PLPPR1: variants seen among roughly 807,000 people sequenced by gnomAD.
The protein encoded by PLPPR1 is phospholipid phosphatase related 1, also known as phospholipid phosphatase-related protein type 1.
In PLPPR1, 10 loss-of-function variants were observed where a neutral mutation model predicts 33.1. The observed-to-expected ratio is 0.30, with a 90% CI of 0.19 to 0.51. PLPPR1 has a LOEUF of 0.51. PLPPR1 is among the 20% of genes least tolerant of loss of function. The probability of loss-of-function intolerance (pLI) is 0.97; values close to 1 mark genes in which losing one functional copy is unlikely to be tolerated. For missense variants in PLPPR1, 304 were observed against 408.1 expected, an observed-to-expected ratio of 0.74 and a Z score of 2.20; for synonymous variants, 151 against 151.0, an observed-to-expected ratio of 1.00 and a Z score of 0.00.
intron 1 of PLPPR1, among the ~76,000 whole-genome samples, chr9:101,088,069 T>G (rs1830700005): frequency 6.6e-6 from 1 of 152,166 alleles, no homozygotes; most frequent in Non-Finnish European, 1.5e-5. Context: ...CCCTTACTGA[T>G]AGTTTGGAAT....
chr9:101,050,758 A>G (rs931093922), intron 1 of PLPPR1, among the ~76,000 whole-genome samples: 1 of 152,234 alleles, frequency 6.6e-6, no homozygotes, highest in African/African-American at 2.4e-5. Flanking sequence ...GATGCCTATT[A>G]ATAGCAGCAT....
chr9:101,321,798 CAT>C (rs1449670224), intron 7 of PLPPR1, among the ~76,000 whole-genome samples: 67 of 147,706 alleles, frequency 4.5e-4, no homozygotes, highest in Non-Finnish European at 1.0e-4. Context: ...TATTTATATA[CAT>C]ATATAAGTAT....
chr9:101,143,216 T>C (rs2244542), intron 1 of PLPPR1, among the ~76,000 whole-genome samples: 102,860 of 151,984 alleles, frequency 0.68, 35,625 homozygotes, highest in Non-Finnish European at 0.76. Flanking sequence ...ATGCCCTCTA[T>C]TTATAGCATT....
chr9:101,237,979 CTATATATA>C (rs367867610), intron 2 of PLPPR1, among the ~76,000 whole-genome samples: 9 of 79,420 alleles, frequency 1.1e-4, no homozygotes, highest in African/African-American at 3.0e-4. Flanking sequence ...GCTATATAGC[CTATATATA>C]TATATATATA....
intron 4 of PLPPR1, among the ~76,000 whole-genome samples, chr9:101,293,223 T>C (rs996439321): frequency 2.8e-5 from 4 of 144,676 alleles, no homozygotes; most frequent in African/African-American, 5.2e-5. Context: ...TACATAATGG[T>C]AAAGGGATCA....
chr9:101,127,137 C>T (rs145752867), intron 1 of PLPPR1, among the ~76,000 whole-genome samples: 22 of 152,306 alleles, frequency 1.4e-4, no homozygotes, highest in African/African-American at 3.8e-4. Flanking sequence ...TTGTTACCCT[C>T]GTTCTTCCAA....
chr9:101,086,897 G>A (rs930493803), intron 1 of PLPPR1, among the ~76,000 whole-genome samples: 2 of 152,136 alleles, frequency 1.3e-5, no homozygotes, highest in Non-Finnish European at 2.9e-5. Flanking sequence ...ATATTTGAAA[G>A]TCTGGGAGCA....
chr9:101,096,920 G>A (rs1446766884), intron 1 of PLPPR1, among the ~76,000 whole-genome samples: 1 of 152,118 alleles, frequency 6.6e-6, no homozygotes, highest in Admixed American at 6.6e-5. Context: ...TTAAAACTTA[G>A]CCAGATGTGG....
At chr9:101,178,657 G>A (rs1017412747) in intron 1 of PLPPR1, among the ~76,000 whole-genome samples, 3 of 152,196 alleles carry the variant, frequency 2.0e-5, no homozygotes, top group Non-Finnish European at 4.4e-5. Flanking sequence ...TAGAATGATA[G>A]AATGGTGGAA....
chr9:101,207,974 C>A (rs1251221908), intron 2 of PLPPR1, among the ~76,000 whole-genome samples: 1 of 152,114 alleles, frequency 6.6e-6, no homozygotes, highest in Non-Finnish European at 1.5e-5. Context: ...ATCAGGAAAT[C>A]CAAATTCTGA....
At chr9:101,162,386 G>A (rs924817970) in intron 1 of PLPPR1, among the ~76,000 whole-genome samples, 2 of 152,112 alleles carry the variant, frequency 1.3e-5, no homozygotes, top group African/African-American at 4.8e-5. Context: ...TCAGTACAAA[G>A]GCCCTAAATA....
chr9:101,200,637 A>C (rs1180433209), intron 2 of PLPPR1, among the ~76,000 whole-genome samples: 1 of 152,164 alleles, frequency 6.6e-6, no homozygotes, highest in East Asian at 1.9e-4. Flanking sequence ...TTTATTTTTC[A>C]TGTTGTATGC....
At chr9:101,294,575 C>G (rs1484254417) in intron 4 of PLPPR1, among the ~76,000 whole-genome samples, 1 of 151,716 alleles carries the variant, frequency 6.6e-6, no homozygotes, top group Non-Finnish European at 1.5e-5. Context: ...CAAACCGAAT[C>G]CAGCAGCACA....
At chr9:101,290,426 T>C (rs897515330) in intron 4 of PLPPR1, among the ~76,000 whole-genome samples, 4 of 152,176 alleles carry the variant, frequency 2.6e-5, no homozygotes, top group Non-Finnish European at 5.9e-5. Context: ...GGCCAGTGAA[T>C]TCATTTTTAA....
chr9:101,283,983 T>C (rs927399184), intron 3 of PLPPR1, among the ~76,000 whole-genome samples: 2 of 152,006 alleles, frequency 1.3e-5, no homozygotes, highest in African/African-American at 4.8e-5. Context: ...AAGATAAATA[T>C]TGGTGGGAAT....
At chr9:101,144,702 A>T (rs56753374) in intron 1 of PLPPR1, among the ~76,000 whole-genome samples, 18 of 152,314 alleles carry the variant, frequency 1.2e-4, no homozygotes, top group African/African-American at 4.1e-4. Flanking sequence ...CCTAGCAGGC[A>T]AATACAGGTG....
intron 2 of PLPPR1, among the ~76,000 whole-genome samples, chr9:101,233,087 G>C (rs1827223971): frequency 6.6e-6 from 1 of 151,920 alleles, no homozygotes; most frequent in African/African-American, 2.4e-5. Context: ...TTTCCAAATA[G>C]ACTTGAGTTA....
chr9:101,132,169 T>G (rs958264669), intron 1 of PLPPR1, among the ~76,000 whole-genome samples: 1 of 152,190 alleles, frequency 6.6e-6, no homozygotes, highest in Non-Finnish European at 1.5e-5. Context: ...CTTCTCAGTG[T>G]CCCCTCATTG....
chr9:101,223,154 A>C (rs1826985191), intron 2 of PLPPR1, among the ~76,000 whole-genome samples: 1 of 113,060 alleles, frequency 8.8e-6, no homozygotes, highest in African/African-American at 3.5e-5. Flanking sequence ...TCTACAAAAA[A>C]AAAAAAAAAA....
Sources: allele counts gnomAD v4.1 joint callset (sites outside exome capture counted in the v4.1 genomes callset), GRCh38; gene constraint gnomAD v4.1.1; transcripts MANE v1.5; gene names NCBI Gene and HGNC (gene_info 2026-07-23, HGNC 2026-07-21).